The following FOXP1 variants were observed in gnomAD, a reference collection of about 807,000 sequenced individuals.
FOXP1 encodes forkhead box P1, also known as forkhead box protein P1.
FOXP1 carries 15 observed loss-of-function variants against 98.2 expected under a neutral mutation model. The observed-to-expected ratio is 0.15, with a 90% confidence interval of 0.10 to 0.24. The LOEUF is 0.24. FOXP1 is among the 10% of genes least tolerant of loss of function. The pLI is 1.00. For missense variants in FOXP1, 633 were observed against 848.5 expected (o/e 0.75, Z 3.15); for synonymous variants, 371 against 314.5 (o/e 1.18, Z -1.90).
chr3:71,192,643 T>C (rs1400952588), intron 6 of FOXP1, among the ~76,000 whole-genome samples: 1 of 152,232 alleles, frequency 6.6e-6, no homozygotes, highest in South Asian at 2.1e-4. Context: ...TTTCATTTGC[T>C]TGTGTATTTT....
intron 6 of FOXP1, among the ~76,000 whole-genome samples, chr3:71,116,877 A>G (rs2058411903): frequency 6.6e-6 from 1 of 152,234 alleles, no homozygotes; most frequent in Admixed American, 6.5e-5. Flanking sequence ...ATGATTTGTA[A>G]AAAGTAAAAA....
chr3:71,342,043 C>CAGAA (rs1553851031), intron 4 of FOXP1, among the ~76,000 whole-genome samples: 3,139 of 151,742 alleles, frequency 0.021, 110 homozygotes, highest in African/African-American at 0.071. Flanking sequence ...TTTTCTGCTA[C>CAGAA]ATAACTAGTC....
chr3:71,298,231 C>T (rs1385284821), intron 5 of FOXP1, among the ~76,000 whole-genome samples: 2 of 152,062 alleles, frequency 1.3e-5, no homozygotes, highest in Non-Finnish European at 2.9e-5. Context: ...CTTTGGGAGG[C>T]CGAGGTGGGC....
At chr3:71,443,419 A>G (rs1272287156) in intron 3 of FOXP1, among the ~76,000 whole-genome samples, 1 of 152,206 alleles carries the variant, frequency 6.6e-6, no homozygotes, top group African/African-American at 2.4e-5. Context: ...CCTACTGTGA[A>G]CAGGACATGG....
chr3:71,148,917 G>A (rs1207427980), intron 6 of FOXP1, among the ~76,000 whole-genome samples: 1 of 152,192 alleles, frequency 6.6e-6, no homozygotes. Flanking sequence ...TGCTACATGA[G>A]TTCAAAAAGG....
chr3:71,314,108 G>GA (rs765062996), intron 4 of FOXP1, among the ~76,000 whole-genome samples: 1 of 152,208 alleles, frequency 6.6e-6, no homozygotes, highest in Non-Finnish European at 1.5e-5. Flanking sequence ...TAAGTACTTA[G>GA]AATAGTGTAT....
At chr3:71,434,429 C>A (rs1375551804) in intron 3 of FOXP1, among the ~76,000 whole-genome samples, 1 of 152,182 alleles carries the variant, frequency 6.6e-6, no homozygotes, top group Non-Finnish European at 1.5e-5. Context: ...TCCCTCAATA[C>A]AGGAGTCCAG....
chr3:71,330,295 T>C (rs1301099789), intron 4 of FOXP1, among the ~76,000 whole-genome samples: 6 of 152,246 alleles, frequency 3.9e-5, no homozygotes, highest in Admixed American at 6.5e-5. Context: ...GCATTTCTAC[T>C]TTCTTGTGAT....
Position 70,977,624 on chromosome 3 carries a change from T to C in FOXP1, c.1428+19A>G, listed in dbSNP as rs1471285411. On this transcript the variant is annotated intron_variant, in intron 16 of 20. Transcript: ENST00000649528. Reference sequence around the variant, plus strand: ...ATATACCTTCTGACAGAATTTCATATACTGTGTTATTTACTTACCTGCCTA... The same window carrying C: ...ATATACCTTCTGACAGAATTTCATACACTGTGTTATTTACTTACCTGCCTA... 1.9e-6 allele frequency: 3 copies of C among 1,577,326 alleles called. No homozygotes were observed. Among genetic ancestry groups the C allele is most frequent in the East Asian group, 2.2e-5 (1 of 44,712 alleles).
At chr3:71,094,238 C>T (rs2056215542) in intron 7 of FOXP1, among the ~76,000 whole-genome samples, 1 of 151,162 alleles carries the variant, frequency 6.6e-6, no homozygotes, top group Non-Finnish European at 1.5e-5. Flanking sequence ...GTTGTGGACA[C>T]TGAAATCTGA....
At chr3:71,342,509 A>AGGTC (rs2077070285) in intron 4 of FOXP1, among the ~76,000 whole-genome samples, 1 of 152,164 alleles carries the variant, frequency 6.6e-6, no homozygotes, top group Non-Finnish European at 1.5e-5. Context: ...CCTGACCAAC[A>AGGTC]AGGTGAAACC....
At chr3:71,523,650 G>GT (rs1332734596) in intron 2 of FOXP1, among the ~76,000 whole-genome samples, 5 of 152,016 alleles carry the variant, frequency 3.3e-5, no homozygotes, top group Non-Finnish European at 7.4e-5. Context: ...TCCTAATTGT[G>GT]TATTTTCCTT....
chr3:71,469,409 T>C (rs114248001), intron 3 of FOXP1, among the ~76,000 whole-genome samples: 66 of 152,322 alleles, frequency 4.3e-4, no homozygotes, highest in Non-Finnish European at 6.9e-4. Context: ...TTCTATAGTT[T>C]AATCTCTTTC....
intron 7 of FOXP1, among the ~76,000 whole-genome samples, chr3:71,059,405 A>G (rs2051157434): frequency 6.6e-6 from 1 of 152,174 alleles, no homozygotes; most frequent in Non-Finnish European, 1.5e-5. Context: ...CCAGGCACAC[A>G]AGGTTACTCC....
At chr3:71,560,778 C>A (rs189938308) in intron 2 of FOXP1, among the ~76,000 whole-genome samples, 1 of 152,026 alleles carries the variant, frequency 6.6e-6, no homozygotes, top group Admixed American at 6.5e-5. Flanking sequence ...TTGAAAATAT[C>A]CTGACTGAAA....
intron 4 of FOXP1, among the ~76,000 whole-genome samples, chr3:71,352,089 T>C (rs1452354064): frequency 1.2e-4 from 19 of 152,128 alleles, no homozygotes; most frequent in Admixed American, 1.2e-3. Context: ...GTGAAAAGTT[T>C]ATGTGAAAAC....
intron 4 of FOXP1, chr3:71,329,713 T>C (rs2076182791): frequency 6.6e-6 from 1 of 152,212 alleles, no homozygotes; most frequent in African/African-American, 2.4e-5. Context: ...TGAGGCCTAA[T>C]ACTTTCTATA....
intron 6 of FOXP1, among the ~76,000 whole-genome samples, chr3:71,128,365 C>T (rs2107894315): frequency 6.6e-6 from 1 of 151,658 alleles, no homozygotes; most frequent in East Asian, 1.9e-4. Context: ...TGAGCCTTTC[C>T]CTTGGCCTCT....
chr3:71,392,711 T>C (rs1056491137), intron 3 of FOXP1, among the ~76,000 whole-genome samples: 2 of 152,216 alleles, frequency 1.3e-5, no homozygotes, highest in African/African-American at 4.8e-5. Flanking sequence ...CATGAACATA[T>C]AATTGCAATG....
Sources: allele counts gnomAD v4.1 joint callset (sites outside exome capture counted in the v4.1 genomes callset), GRCh38; gene constraint gnomAD v4.1.1; transcripts MANE v1.5; gene names NCBI Gene and HGNC (gene_info 2026-07-23, HGNC 2026-07-21).